C5: variants seen among roughly 807,000 people sequenced by gnomAD.
C5 encodes the protein complement C5.
C5 carries 140 observed loss-of-function variants against 218.8 expected under a neutral mutation model. That is an observed-to-expected ratio of 0.64 (90% CI 0.56 to 0.74). C5 has a LOEUF of 0.74. C5 is among the 30% of genes least tolerant of loss of function. C5 has a pLI of 0.00. For synonymous variants in C5, 614 were observed against 682.3 expected (o/e 0.90, Z 1.56); for missense variants, 1,700 against 1,969.6 (o/e 0.86, Z 2.59).
At position 121,034,827 on chromosome 9, in the gene C5, T is replaced by C; in HGVS notation, c.560A>G (p.Asp187Gly). The change falls in exon 5 of 41, where the codon GAC becomes GGC. Residue 187 changes from aspartate to glycine, a missense_variant. Asp to Gly is a moderately conservative substitution (Grantham distance 94, BLOSUM62 -1). Transcript: ENST00000223642. ...IDHIGIISFP[D>G]FKIPSNPRYG... ...CCTAGGATTAGACGGAATCTTGAAG[T>C]CAGGAAAAGAGATAATTCCAATATG... is the stretch of plus-strand genomic sequence containing the variant. The C allele has an allele frequency of 6.3e-7, 1 of 1,574,942 alleles. No individual in the cohort carries two copies. Among genetic ancestry groups the C allele is most frequent in the Non-Finnish European group, 8.7e-7 (1 of 1,145,296 alleles).
rs1310201328 is a variant in C5 at position 120,989,759 on chromosome 9, A to G, written c.2963T>C (p.Leu988Ser). The change falls in exon 24 of 41, where the codon TTG becomes TCG. Residue 988 changes from leucine (L) to serine (S), a missense_variant. Coordinates refer to ENST00000223642, the MANE Select transcript of C5 (RefSeq NM_001735.3). The part of the protein sequence containing the change: ...SVKGLLVGEI[L>S]SAVLSQEGIN... ...GCCTTCCTGACTTAGAACTGCAGAC[A>G]AGATCTCACCTACAAGCAGTCCTGA... The G allele has an allele frequency of 6.2e-7, 1 of 1,614,072 alleles. No individual in the cohort carries two copies. The highest frequency in any genetic ancestry group is 1.1e-5 in the South Asian group (1 of 91,074).
chr9:121,005,565 T>A (rs1397858458), intron 20 of C5, among the ~76,000 whole-genome samples: 1 of 152,130 alleles, frequency 6.6e-6, no homozygotes, highest in Non-Finnish European at 1.5e-5. Flanking sequence ...TATGAATGGC[T>A]AAAATGGAGG....
chr9:120,987,674 C>A (rs181779071), intron 25 of C5, among the ~76,000 whole-genome samples: 111 of 147,996 alleles, frequency 7.5e-4, no homozygotes, highest in African/African-American at 2.5e-3. Flanking sequence ...AGAAAAAAAT[C>A]TAAAATTAAA....
intron 39 of C5, among the ~76,000 whole-genome samples, chr9:120,954,272 T>C (rs1188558286): frequency 6.6e-6 from 1 of 152,248 alleles, no homozygotes; most frequent in Non-Finnish European, 1.5e-5. Flanking sequence ...CTCTCTACAG[T>C]TGAACAACAT....
At chr9:120,956,864 C>T (rs1339435062) in intron 39 of C5, 2 of 256,428 alleles carry the variant, frequency 7.8e-6, no homozygotes, top group African/African-American at 4.5e-5. Context: ...GAACACTAGA[C>T]AGCAGAGCCT....
intron 31 of C5, among the ~76,000 whole-genome samples, chr9:120,971,324 A>T (rs2131682601): frequency 6.6e-6 from 1 of 152,014 alleles, no homozygotes; most frequent in Middle Eastern, 3.4e-3. Context: ...ATGTACACAG[A>T]TATATGTATA....
chr9:120,984,156 C>T (rs1331565629), intron 25 of C5, among the ~76,000 whole-genome samples: 2 of 152,118 alleles, frequency 1.3e-5, no homozygotes, highest in Non-Finnish European at 2.9e-5. Flanking sequence ...TTTCTGTAGA[C>T]ATTTAGGTTG....
chr9:120,962,506 A>G (rs1257566108), intron 36 of C5, among the ~76,000 whole-genome samples, 165 bp downstream of exon 36: 2 of 152,214 alleles, frequency 1.3e-5, no homozygotes, highest in African/African-American at 2.4e-5. Context: ...TTTATGTACA[A>G]TATTTTGTAT....
chr9:121,017,302 A>G (rs1427380912), intron 14 of C5, 60 bp downstream of exon 14: 18 of 1,597,342 alleles, frequency 1.1e-5, no homozygotes, highest in East Asian at 2.2e-5. Context: ...TTCTTCCTCC[A>G]TATCCTAGCC....
intron 36 of C5, 23 bp downstream of exon 36, chr9:120,962,648 A>G (rs552463689): frequency 6.7e-7 from 1 of 1,486,788 alleles, no homozygotes; most frequent in African/African-American, 1.4e-5. Context: ...CTTCTGAAGA[A>G]ATGTTAGCAT....
intron 38 of C5, among the ~76,000 whole-genome samples, 175 bp from the exon 39 acceptor site, chr9:120,957,543 A>G (rs1342797200): frequency 2.0e-5 from 3 of 152,252 alleles, no homozygotes; most frequent in Non-Finnish European, 2.9e-5. Context: ...CTCTCAATCT[A>G]TTAGAATCAT....
At chr9:121,048,492 T>C (rs1380809621) in intron 1 of C5, among the ~76,000 whole-genome samples, 1 of 152,202 alleles carries the variant, frequency 6.6e-6, no homozygotes, top group Non-Finnish European at 1.5e-5. Context: ...AGTGGAACAG[T>C]TTCATTCTGA....
chr9:120,970,029 T>C (rs1032648668), intron 32 of C5, 141 bp downstream of exon 32: 2 of 664,450 alleles, frequency 3.0e-6, no homozygotes, highest in South Asian at 1.7e-5. Context: ...TAATATTTAC[T>C]TGGATGTCAA....
chr9:121,057,345 A>G, the C5 span, among the ~76,000 whole-genome samples: 1 of 152,222 alleles, frequency 6.6e-6, no homozygotes, highest in African/African-American at 2.4e-5. Context: ...TAATTGCAGT[A>G]TGTAAACCAC....
At chr9:120,996,826 C>A (rs2047119968) in intron 21 of C5, among the ~76,000 whole-genome samples, 1 of 152,138 alleles carries the variant, frequency 6.6e-6, no homozygotes, top group South Asian at 2.1e-4. Context: ...GCCAGGAAAT[C>A]CAGTCTGTCA....
At chr9:120,953,337 T>C (rs956133496) in intron 40 of C5, among the ~76,000 whole-genome samples, 10 of 152,210 alleles carry the variant, frequency 6.6e-5, no homozygotes, top group Non-Finnish European at 1.3e-4. Flanking sequence ...TAAGGAATTG[T>C]AAAGCTGCCT....
intron 2 of C5, among the ~76,000 whole-genome samples, chr9:121,043,535 CTTT>C (rs1011159702): frequency 2.8e-4 from 41 of 145,588 alleles, no homozygotes; most frequent in South Asian, 8.8e-4. Flanking sequence ...GGACCCTTAG[CTTT>C]TTTTTTTTGA....
At chr9:120,963,113 G>T (rs558001474) in intron 34 of C5, 146 bp from the exon 35 acceptor site, 2 of 718,648 alleles carry the variant, frequency 2.8e-6, no homozygotes, top group African/African-American at 1.7e-5. Flanking sequence ...GAAAAAGTCT[G>T]AACACATTAG....
At chr9:121,060,718 G>T in the C5 span, among the ~76,000 whole-genome samples, 1 of 150,740 alleles carries the variant, frequency 6.6e-6, no homozygotes, top group Non-Finnish European at 1.5e-5. Context: ...TTTATCCTGA[G>T]ACCCCTAGAA....
Sources: gnomAD v4.1 joint callset for allele counts (sites outside exome capture counted in the v4.1 genomes callset) on GRCh38, gnomAD v4.1.1 for gene constraint, MANE v1.5 for transcripts, NCBI Gene and HGNC (gene_info 2026-07-23, HGNC 2026-07-21) for gene names.